COL21A1: variants seen among roughly 807,000 people sequenced by gnomAD.
The protein encoded by COL21A1 is collagen alpha-1(XXI) chain.
Under a neutral mutation model 137.9 loss-of-function variants are expected in COL21A1, and 149 were observed. The observed-to-expected ratio is 1.08, with a 90% CI of 0.95 to 1.24. The LOEUF (loss-of-function observed/expected upper bound fraction) is 1.24, where lower values mean the gene tolerates loss of function less well. Among genes scored for constraint, COL21A1 ranks in the 50% most tolerant of loss-of-function variants. COL21A1 has a pLI of 0.00. For missense variants in COL21A1, 1,167 were observed against 1,158.4 expected (o/e 1.01, Z -0.11); for synonymous variants, 456 against 391.5 (o/e 1.16, Z -1.95).
At chr6:56,382,232 C>T (rs1483424327) in intron 1 of COL21A1, among the ~76,000 whole-genome samples, 1 of 152,174 alleles carries the variant, frequency 6.6e-6, no homozygotes, top group African/African-American at 2.4e-5. Context: ...GTTTGGAATG[C>T]TCAAGGCCTC....
At position 56,057,367 on chromosome 6, in the gene COL21A1, G is replaced by T; in HGVS notation, c.*290C>A. 2.8e-6 allele frequency: 1 copy of T among 360,764 alleles called. No homozygotes were observed. The highest frequency in any genetic ancestry group is 5.1e-6 in the Non-Finnish European group (1 of 197,708). The allele number at this position is 360,764 out of a possible 1,614,324, so 22.3% of individuals were successfully genotyped here. A position where few individuals can be genotyped will look rare whatever the true frequency, so the allele number is the denominator to read the frequency against. ...TATTTCACAGTGACTAAAACTGACT[G>T]GCTAACAGGCAATGGTGGATTTTTA... On this transcript the variant is annotated 3_prime_UTR_variant, in exon 30 of 30. Coordinates refer to ENST00000244728, the MANE Select transcript of COL21A1 (RefSeq NM_030820.4).
Position 56,056,771 on chromosome 6 carries a change from G to A in COL21A1, c.*886C>T, listed in dbSNP as rs552451687. ...AACAAGACATTCTAGGATTTCAGGA[G>A]TTTTCCTTTTCTTTCAACTAGAGCA... On this transcript the variant is annotated 3_prime_UTR_variant, in exon 30 of 30. Transcript: ENST00000244728. The A allele has an allele frequency of 5.3e-5, 8 of 152,120 alleles. No individual in the cohort carries two copies. The highest frequency in any genetic ancestry group is 1.3e-4 in the Admixed American group (2 of 15,268). 9.4% of individuals were successfully genotyped at this position (152,120 alleles called of 1,614,324 possible).
intron 1 of COL21A1, among the ~76,000 whole-genome samples, chr6:56,224,961 A>C (rs774445786): frequency 6.6e-6 from 1 of 152,074 alleles, no homozygotes; most frequent in Non-Finnish European, 1.5e-5. Flanking sequence ...GCAAGATACC[A>C]TGCATGCAGT....
intron 1 of COL21A1, among the ~76,000 whole-genome samples, chr6:56,227,173 A>G (rs1428115069): frequency 1.3e-5 from 2 of 152,008 alleles, no homozygotes; most frequent in East Asian, 1.9e-4. Context: ...TGCACATTCA[A>G]TGTACAAATG....
At chr6:56,080,853 A>G (rs1447384758) in intron 17 of COL21A1, among the ~76,000 whole-genome samples, 2 of 151,834 alleles carry the variant, frequency 1.3e-5, no homozygotes, top group African/African-American at 4.8e-5. Context: ...TGTTGAAAGT[A>G]TCATTCTCAT....
intron 23 of COL21A1, 48 bp from the exon 24 acceptor site, chr6:56,064,670 GC>G: frequency 7.8e-7 from 1 of 1,289,160 alleles, no homozygotes. Context: ...CACTTACGAT[GC>G]AATCACATAT....
At chr6:56,191,513 A>G (rs149633590) in intron 1 of COL21A1, among the ~76,000 whole-genome samples, 38 of 150,978 alleles carry the variant, frequency 2.5e-4, no homozygotes, top group Non-Finnish European at 5.2e-4. Flanking sequence ...AAATGCTTGA[A>G]CCAGGGAAGC....
chr6:56,243,085 T>C (rs1782434029), intron 1 of COL21A1, among the ~76,000 whole-genome samples: 3 of 152,220 alleles, frequency 2.0e-5, no homozygotes, highest in Non-Finnish European at 4.4e-5. Flanking sequence ...CCCTCATTTA[T>C]ATTACGCAAA....
At chr6:56,365,702 AAATGCTCCCACCATTCTTATATGTC>A (rs1416286635) in intron 1 of COL21A1, among the ~76,000 whole-genome samples, 1 of 152,206 alleles carries the variant, frequency 6.6e-6, no homozygotes, top group Non-Finnish European at 1.5e-5. Flanking sequence ...TGTGGTAATA[AAATGCTCCCACCATTCTTATATGTC>A]AATGCCTCAC....
In COL21A1 at chr6:56,075,475, A is replaced by G; in HGVS notation, c.1911+4T>C. On this transcript the variant is annotated splice_donor_region_variant and intron_variant, in intron 19 of 29. Transcript: ENST00000244728. The stretch of plus-strand genomic sequence containing the variant: ...GATGTATGATGATAATGACATCAAC[A>G]TACAGGCATCCCTGGGGCTCCTTTT... 1.9e-6 allele frequency: 3 copies of G among 1,538,732 alleles called. No individual in the cohort carries two copies. The South Asian group carries it at 3.7e-5, about 19-fold the overall frequency.
chr6:56,094,729 G>A (rs1275321243), intron 17 of COL21A1, among the ~76,000 whole-genome samples: 2 of 152,198 alleles, frequency 1.3e-5, no homozygotes, highest in African/African-American at 2.4e-5. Flanking sequence ...GTTTATGCAA[G>A]AGTGGGGACT....
chr6:56,359,549 G>C (rs538654938), intron 1 of COL21A1, among the ~76,000 whole-genome samples: 1 of 152,160 alleles, frequency 6.6e-6, no homozygotes, highest in Non-Finnish European at 1.5e-5. Flanking sequence ...CATTAATAAA[G>C]TCACATTTCA....
intron 1 of COL21A1, among the ~76,000 whole-genome samples, chr6:56,287,947 A>T (rs1336464233): frequency 1.3e-5 from 2 of 152,108 alleles, no homozygotes; most frequent in South Asian, 4.1e-4. Context: ...GCCTCTAGAA[A>T]CTAAACAAGG....
chr6:56,175,420 T>C (rs1026558147), intron 3 of COL21A1, among the ~76,000 whole-genome samples: 1 of 151,970 alleles, frequency 6.6e-6, no homozygotes, highest in African/African-American at 2.4e-5. Flanking sequence ...CCAAAAAAAA[T>C]GGTTAGAAGA....
chr6:56,248,098 G>A (rs904752518), upstream of COL21A1, among the ~76,000 whole-genome samples: 3 of 152,240 alleles, frequency 2.0e-5, no homozygotes, highest in East Asian at 5.8e-4. Context: ...AGGAAGCCTC[G>A]GAATAAGGTG....
intron 17 of COL21A1, among the ~76,000 whole-genome samples, chr6:56,096,235 C>G (rs186653656): frequency 1.3e-5 from 2 of 152,182 alleles, no homozygotes; most frequent in African/African-American, 4.8e-5. Context: ...GCCTTTCAGG[C>G]TCCCCCCATA....
intron 1 of COL21A1, among the ~76,000 whole-genome samples, chr6:56,351,603 G>A (rs1455169755): frequency 3.3e-5 from 5 of 152,298 alleles, no homozygotes; most frequent in African/African-American, 1.2e-4. Context: ...CTGCACATGT[G>A]TATAATGCAC....
At chr6:56,200,938 T>A (rs1396791911) in intron 1 of COL21A1, among the ~76,000 whole-genome samples, 3 of 152,262 alleles carry the variant, frequency 2.0e-5, no homozygotes, top group South Asian at 2.1e-4. Flanking sequence ...AAAGTGTTCC[T>A]ATTTCTCCAC....
In COL21A1 at chr6:56,179,918, C is replaced by G. The variant is rs746219972; in HGVS notation, c.300G>C (p.Leu100Phe). Residue 100 changes from leucine (L) to phenylalanine (F), a missense_variant, in exon 3 of 30, where the codon TTG becomes TTC. Physicochemically the swap from Leu to Phe is conservative, Grantham distance 22. Transcript: ENST00000244728. Reference protein sequence around the residue: ...PLGSYDSGEHLTAAVESILYL... With the variant: ...PLGSYDSGEHFTAAVESILYL... Reference sequence around the variant, plus strand: ...AGAGTATGGATTCCACTGCTGCCGTCAAATGTTCTCCTGAATCATAGCTTC... The same window carrying G: ...AGAGTATGGATTCCACTGCTGCCGTGAAATGTTCTCCTGAATCATAGCTTC... 1.9e-6 allele frequency: 3 copies of G among 1,613,912 alleles called. No homozygotes were observed. In the Admixed American group the frequency reaches 5.0e-5, roughly 27 times the overall value.
Sources: allele counts gnomAD v4.1 joint callset (sites outside exome capture counted in the v4.1 genomes callset), GRCh38; gene constraint gnomAD v4.1.1; transcripts MANE v1.5; gene names NCBI Gene and HGNC (gene_info 2026-07-23, HGNC 2026-07-21).